UPK1B: variants seen among roughly 807,000 people sequenced by gnomAD.
The protein encoded by UPK1B is uroplakin 1B, also known as uroplakin-1b.
In UPK1B, 28 loss-of-function variants were observed where a neutral mutation model predicts 34.2. The ratio of observed to expected loss-of-function variants is 0.82; its 90% CI spans 0.61 to 1.12. The LOEUF is 1.12. Among genes scored for constraint, UPK1B ranks in the 50% most tolerant of loss-of-function variants. The pLI, the probability that UPK1B is intolerant of heterozygous loss-of-function variation, is 0.00. For synonymous variants in UPK1B, 81 were observed against 110.4 expected (o/e 0.73, Z 1.67); for missense variants, 325 against 320.9 (o/e 1.01, Z -0.10).
intron 2 of UPK1B, 80 bp downstream of exon 2, chr3:119,186,890 G>T: frequency 1.4e-6 from 2 of 1,454,782 alleles, no homozygotes; most frequent in South Asian, 2.4e-5. Flanking sequence ...AGAGTTTAAA[G>T]GAAAATAATG....
At chr3:119,191,170 G>A in intron 5 of UPK1B, 66 bp downstream of exon 5, 1 of 1,524,102 alleles carries the variant, frequency 6.6e-7, no homozygotes, top group Non-Finnish European at 8.9e-7. Context: ...TCATACACAT[G>A]ACTCAGTGGG....
At position 119,187,948 on chromosome 3, in the gene UPK1B, G is replaced by C. The variant is rs921695826; in HGVS notation, c.243G>C (p.Met81Ile). 10 of 1,614,150 alleles carry C rather than the reference G, an allele frequency of 6.2e-6. No homozygotes were observed. The Middle Eastern group carries it at 6.6e-4, about 107-fold the overall frequency. ...CLSVLGIVGI[M>I]KSSRKILLAY... The stretch of plus-strand genomic sequence containing the variant: ...CTGTTCTAGGCATTGTAGGCATCAT[G>C]AAGTCCAGCAGGAAAATTCTTCTGG... Residue 81 changes from methionine (M) to isoleucine (I), a missense_variant, in exon 3 of 8, where the codon ATG becomes ATC. Coordinates refer to ENST00000264234, the MANE Select transcript of UPK1B (RefSeq NM_006952.4).
chr3:119,179,507 C>CTTCTTTTTTTT (rs2077978187), intron 1 of UPK1B, among the ~76,000 whole-genome samples: 1 of 52,256 alleles, frequency 1.9e-5, no homozygotes, highest in Admixed American at 2.4e-4. Flanking sequence ...ATGTTGCAGT[C>CTTCTTTTTTTT]TTTTTTTTTT....
intron 1 of UPK1B, among the ~76,000 whole-genome samples, chr3:119,185,103 AACT>A (rs1352307156): frequency 1.3e-5 from 2 of 152,234 alleles, no homozygotes; most frequent in Non-Finnish European, 2.9e-5. Flanking sequence ...TCTAAGCAGA[AACT>A]ACACAGAGAC....
At chr3:119,181,858 G>C (rs2077990890) in intron 1 of UPK1B, among the ~76,000 whole-genome samples, 1 of 152,216 alleles carries the variant, frequency 6.6e-6, no homozygotes, top group Admixed American at 6.5e-5. Flanking sequence ...GCCCTTCACA[G>C]GTTGGCAATG....
At chr3:119,196,535 CTTTT>C (rs34406185) in intron 6 of UPK1B, among the ~76,000 whole-genome samples, 1 of 107,176 alleles carries the variant, frequency 9.3e-6, no homozygotes, top group Non-Finnish European at 1.9e-5. Flanking sequence ...TTTTCTTTTT[CTTTT>C]TTTTTTTTTT....
At chr3:119,179,484 T>G (rs2077977968) in intron 1 of UPK1B, among the ~76,000 whole-genome samples, 1 of 139,026 alleles carries the variant, frequency 7.2e-6, no homozygotes, top group African/African-American at 2.6e-5. Flanking sequence ...CCTGAAAATT[T>G]GGGGAAGAGT....
intron 3 of UPK1B, among the ~76,000 whole-genome samples, chr3:119,189,153 C>T (rs1162345926): frequency 1.3e-5 from 2 of 152,184 alleles, no homozygotes; most frequent in Non-Finnish European, 2.9e-5. Context: ...TCACTGCATA[C>T]CTCCTTTCTG....
intron 7 of UPK1B, among the ~76,000 whole-genome samples, chr3:119,202,174 G>A (rs1018873139): frequency 6.6e-6 from 1 of 152,190 alleles, no homozygotes; most frequent in Non-Finnish European, 1.5e-5. Context: ...AGCTAAGCAG[G>A]TAGCCAGTGT....
rs575915185 is a variant in UPK1B at position 119,183,312 on chromosome 3, A to AG, written c.-28-3401dup. Among the ~76,000 whole-genome samples, 9 of 141,856 alleles carry AG rather than the reference A, an allele frequency of 6.3e-5. No homozygotes were observed. The South Asian group carries it at 2.0e-3, about 31-fold the overall frequency. The allele number at this position is 141,856 out of a possible 152,430, so 93.1% of individuals were successfully genotyped here. On this transcript the variant is annotated intron_variant, in intron 1 of 7. Coordinates refer to ENST00000264234, the MANE Select transcript of UPK1B (RefSeq NM_006952.4). Reference sequence around the variant, plus strand: ...GAGATGGAGTTTTGCTCTGTTGCCCAGTGCAGTGGCCCAATCATGGCTCAC... The same window carrying AG: ...GAGATGGAGTTTTGCTCTGTTGCCCAGGTGCAGTGGCCCAATCATGGCTCAC...
intron 1 of UPK1B, 113 bp from the exon 2 acceptor site, chr3:119,186,601 A>G (rs1020592595): frequency 1.4e-6 from 1 of 731,818 alleles, no homozygotes; most frequent in South Asian, 1.9e-5. Context: ...TTCATCGCTA[A>G]AAGATTATAT....
intron 7 of UPK1B, among the ~76,000 whole-genome samples, 159 bp downstream of exon 7, chr3:119,199,299 G>A (rs983563691): frequency 2.0e-5 from 3 of 152,162 alleles, no homozygotes; most frequent in African/African-American, 7.2e-5. Flanking sequence ...AAGGACAGTG[G>A]GTTCTCTTGA....
intron 1 of UPK1B, 121 bp from the exon 2 acceptor site, chr3:119,186,593 C>T (rs2078020393): frequency 1.5e-6 from 1 of 672,032 alleles, no homozygotes; most frequent in African/African-American, 1.8e-5. Flanking sequence ...AAATGTCCTT[C>T]ATCGCTAAAA....
chr3:119,204,114 G>A lies in UPK1B; in HGVS notation c.*147G>A, dbSNP rs917041393. 3.6e-6 allele frequency: 3 copies of A among 836,874 alleles called. No individual in the cohort carries two copies. The highest frequency in any genetic ancestry group is 2.3e-5 in the Admixed American group (1 of 42,562). The allele number at this position is 836,874 out of a possible 1,614,324, so 51.8% of individuals were successfully genotyped here. ...GTCAGATGGTACGGACTTCCTTTAG[G>A]ATCTCAGGCTTCTGCAGTTCTCATG... is the stretch of plus-strand genomic sequence containing the variant. On this transcript the variant is annotated 3_prime_UTR_variant, in exon 8 of 8. Transcript: ENST00000264234.
rs1303329629 is a variant in UPK1B, at chr3:119,205,133, T to G, written c.*1166T>G. ...GTCTGGTCTTATAAGTAAAGACAGC[T>G]TTAAAATCTGTTCACTTTCATTTTT... On this transcript the variant is annotated 3_prime_UTR_variant, in exon 8 of 8. Transcript: ENST00000264234. 2.0e-5 allele frequency: 3 copies of G among 152,220 alleles called. No homozygotes were observed. The highest frequency in any genetic ancestry group is 4.4e-5 in the Non-Finnish European group (3 of 68,046). The allele number at this position is 152,220 out of a possible 1,614,324, so 9.4% of individuals were successfully genotyped here. A position where few individuals can be genotyped will look rare whatever the true frequency, so the allele number is the denominator to read the frequency against.
At chr3:119,176,777 T>C (rs1362491272) in intron 1 of UPK1B, among the ~76,000 whole-genome samples, 4 of 152,222 alleles carry the variant, frequency 2.6e-5, no homozygotes, top group Non-Finnish European at 5.9e-5. Flanking sequence ...TAATCCAATA[T>C]AGTCAGGGAG....
At chr3:119,201,672 A>G (rs1015234997) in intron 7 of UPK1B, among the ~76,000 whole-genome samples, 1 of 152,180 alleles carries the variant, frequency 6.6e-6, no homozygotes, top group African/African-American at 2.4e-5. Context: ...GGGGTGATAA[A>G]CTGAGTGAGG....
intron 3 of UPK1B, 105 bp downstream of exon 3, chr3:119,188,080 AC>A: frequency 8.1e-7 from 1 of 1,234,158 alleles, no homozygotes; most frequent in Non-Finnish European, 1.2e-6. Flanking sequence ...AGCAGGAAGT[AC>A]CAGATAAGGG....
At chr3:119,184,631 C>T (rs1301654197) in intron 1 of UPK1B, among the ~76,000 whole-genome samples, 1 of 151,168 alleles carries the variant, frequency 6.6e-6, no homozygotes, top group South Asian at 2.1e-4. Flanking sequence ...GAGGCTGAGG[C>T]AGGACAATAG....
Sources: gnomAD v4.1 joint callset for allele counts (sites outside exome capture counted in the v4.1 genomes callset) on GRCh38, gnomAD v4.1.1 for gene constraint, MANE v1.5 for transcripts, NCBI Gene and HGNC (gene_info 2026-07-23, HGNC 2026-07-21) for gene names.